The following NAALADL2 variants were observed in gnomAD, a reference collection of about 807,000 sequenced individuals.
NAALADL2 encodes inactive N-acetylated-alpha-linked acidic dipeptidase-like protein 2.
NAALADL2 carries 76 observed loss-of-function variants against 87.2 expected under a neutral mutation model. The ratio of observed to expected loss-of-function variants is 0.87; its 90% CI spans 0.72 to 1.05. NAALADL2 has a LOEUF of 1.05. NAALADL2 is among the 50% of genes least tolerant of loss of function. The probability of loss-of-function intolerance (pLI) is 0.00; values close to 1 mark genes in which losing one functional copy is unlikely to be tolerated. For synonymous variants in NAALADL2, 354 were observed against 331.0 expected (o/e 1.07, Z -0.75); for missense variants, 1,089 against 945.8 (o/e 1.15, Z -1.99).
At chr3:174,715,853 A>C (rs903943943) in intron 2 of NAALADL2, among the ~76,000 whole-genome samples, 6 of 152,112 alleles carry the variant, frequency 3.9e-5, no homozygotes, top group African/African-American at 1.2e-4. Context: ...GGCTTATTAC[A>C]GGTATTTTTC....
chr3:174,966,679 T>C (rs992740025), intron 1 of NAALADL2, among the ~76,000 whole-genome samples: 9 of 152,154 alleles, frequency 5.9e-5, no homozygotes, highest in Non-Finnish European at 1.0e-4. Context: ...TTAATACATA[T>C]GAAATTTGAC....
chr3:175,009,641 T>C (rs1175950317), intron 1 of NAALADL2, among the ~76,000 whole-genome samples: 1 of 152,166 alleles, frequency 6.6e-6, no homozygotes. Context: ...TCTAGACTGT[T>C]GGTTAGTAAC....
chr3:175,213,486 A>G (rs1023685631), intron 2 of NAALADL2, among the ~76,000 whole-genome samples: 1 of 152,120 alleles, frequency 6.6e-6, no homozygotes, highest in Non-Finnish European at 1.5e-5. Flanking sequence ...TAGGCATTTG[A>G]TATATCAAAA....
intron 4 of NAALADL2, among the ~76,000 whole-genome samples, chr3:175,284,260 A>G (rs934219478): frequency 3.3e-5 from 5 of 150,088 alleles, no homozygotes; most frequent in East Asian, 2.0e-4. Flanking sequence ...GAATATAGGT[A>G]TAAGGATGGC....
intron 2 of NAALADL2, among the ~76,000 whole-genome samples, chr3:175,182,215 A>G (rs1736666185): frequency 6.6e-6 from 1 of 151,928 alleles, no homozygotes; most frequent in African/African-American, 2.4e-5. Flanking sequence ...ATGTCTATTC[A>G]AGTCCCTTGC....
chr3:175,393,689 G>T (rs1769375024), intron 5 of NAALADL2, among the ~76,000 whole-genome samples: 1 of 152,072 alleles, frequency 6.6e-6, no homozygotes. Flanking sequence ...AGAGACATCA[G>T]TTTTTTATCC....
chr3:174,969,574 TC>T (rs1438917603), intron 1 of NAALADL2, among the ~76,000 whole-genome samples: 1 of 152,042 alleles, frequency 6.6e-6, no homozygotes, highest in Non-Finnish European at 1.5e-5. Context: ...GTAACTAAAA[TC>T]CCATAATACA....
intron 7 of NAALADL2, among the ~76,000 whole-genome samples, chr3:175,465,890 G>A (rs1434599566): frequency 6.6e-6 from 1 of 152,208 alleles, no homozygotes; most frequent in Non-Finnish European, 1.5e-5. Flanking sequence ...AAGTCAAAGG[G>A]TGATTCATTT....
chr3:175,331,469 A>G (rs775220236), intron 5 of NAALADL2, among the ~76,000 whole-genome samples: 7 of 152,164 alleles, frequency 4.6e-5, no homozygotes, highest in Non-Finnish European at 5.9e-5. Flanking sequence ...AAATCAATAA[A>G]CATGATATAC....
At chr3:175,638,294 C>A (rs554801085) in intron 11 of NAALADL2, among the ~76,000 whole-genome samples, 81 of 152,268 alleles carry the variant, frequency 5.3e-4, no homozygotes, top group African/African-American at 1.9e-3. Flanking sequence ...TTCCTTTTCA[C>A]CTTTTCTTAT....
chr3:175,453,892 T>G (rs1721936213), intron 6 of NAALADL2, among the ~76,000 whole-genome samples: 1 of 152,120 alleles, frequency 6.6e-6, no homozygotes, highest in African/African-American at 2.4e-5. Flanking sequence ...TTTATATGTT[T>G]TGAGATTATT....
At chr3:175,725,898 G>A (rs1366264239) in intron 11 of NAALADL2, among the ~76,000 whole-genome samples, 2 of 152,044 alleles carry the variant, frequency 1.3e-5, no homozygotes, top group African/African-American at 4.8e-5. Flanking sequence ...TATTATTATT[G>A]ATATCATGTT....
At chr3:174,757,626 G>T (rs1309696177) in intron 3 of NAALADL2, among the ~76,000 whole-genome samples, 1 of 151,912 alleles carries the variant, frequency 6.6e-6, no homozygotes, top group Non-Finnish European at 1.5e-5. Context: ...CAAGCAGCGG[G>T]GACTACAGGT....
chr3:175,061,757 T>C (rs896018201), intron 1 of NAALADL2, among the ~76,000 whole-genome samples: 1 of 133,630 alleles, frequency 7.5e-6, no homozygotes, highest in African/African-American at 2.7e-5. Context: ...ATATATAGTT[T>C]TATACACCAC....
Position 174,664,981 on chromosome 3 carries a change from G to T in NAALADL2, c.-114-72660G>T, listed in dbSNP as rs576057547. The stretch of plus-strand genomic sequence containing the variant: ...AACTTGTGCCAGAGTGGAACTTTCA[G>T]TTGCTTAGCCACAGGCTAGCTTGCT... On this transcript the variant is annotated intron_variant, in intron 2 of 3. Coordinates refer to the NAALADL2 transcript ENST00000434257. Among the ~76,000 whole-genome samples, 17 of 152,320 alleles carry T rather than the reference G, an allele frequency of 1.1e-4. No individual in the cohort carries two copies. In the South Asian group the frequency reaches 3.5e-3, roughly 32 times the overall value.
intron 4 of NAALADL2, 62 bp downstream of exon 4, chr3:175,256,592 A>G (rs1215908778): frequency 1.3e-6 from 2 of 1,548,178 alleles, no homozygotes; most frequent in African/African-American, 2.7e-5. Context: ...TGTTGGAATT[A>G]TATGCTTTTG....
intron 3 of NAALADL2, among the ~76,000 whole-genome samples, chr3:174,743,744 G>GT (rs1474434897): frequency 6.6e-6 from 1 of 151,700 alleles, no homozygotes; most frequent in African/African-American, 2.4e-5. Flanking sequence ...CCAATGTTTT[G>GT]ACACCTTTTC....
At chr3:175,774,601 T>G (rs1234121743) in intron 13 of NAALADL2, among the ~76,000 whole-genome samples, 1 of 151,984 alleles carries the variant, frequency 6.6e-6, no homozygotes, top group East Asian at 1.9e-4. Flanking sequence ...ATAATTTTTT[T>G]AAGGAACTCA....
intron 1 of NAALADL2, among the ~76,000 whole-genome samples, chr3:174,965,947 A>G (rs1291672697): frequency 6.6e-6 from 1 of 152,118 alleles, no homozygotes; most frequent in Non-Finnish European, 1.5e-5. Flanking sequence ...GTTAGCTTGG[A>G]GAGTAGGACA....
Sources: gnomAD v4.1 joint callset for allele counts (sites outside exome capture counted in the v4.1 genomes callset) on GRCh38, gnomAD v4.1.1 for gene constraint, MANE v1.5 for transcripts, NCBI Gene and HGNC (gene_info 2026-07-23, HGNC 2026-07-21) for gene names.